CC2D1B: variants seen among roughly 807,000 people sequenced by gnomAD.
The protein encoded by CC2D1B is coiled-coil and C2 domain containing 1B.
CC2D1B carries 92 observed loss-of-function variants against 110.8 expected under a neutral mutation model. That is an observed-to-expected ratio of 0.83 (90% CI 0.70 to 0.99). CC2D1B has a LOEUF of 0.99. CC2D1B is among the 50% of genes least tolerant of loss of function. The probability of loss-of-function intolerance (pLI) is 0.00; values close to 1 mark genes in which losing one functional copy is unlikely to be tolerated. For missense variants in CC2D1B, 1,136 were observed against 1,089.0 expected (o/e 1.04, Z -0.61); for synonymous variants, 406 against 429.2 (o/e 0.95, Z 0.67).
chr1:52,361,593 C>A lies in CC2D1B; in HGVS notation c.238G>T (p.Glu80Ter). 6.2e-7 allele frequency: 1 copy of A among 1,613,854 alleles called. No individual in the cohort carries two copies. Among genetic ancestry groups the A allele is most frequent in the South Asian group, 1.1e-5 (1 of 91,072 alleles). The change falls in exon 4 of 25, where the codon GAG (glutamate) becomes TAG (stop). Residue 80 changes from glutamate to a stop codon, truncating the protein, a stop_gained. Coordinates refer to ENST00000284376, the MANE Select transcript of CC2D1B (RefSeq NM_001330585.2). LOFTEE classifies it high-confidence loss of function. ...CGCATACAGTCTGCCGCCAACTTCTCGATGTGGGCCATGGGCAGGGGGGCT... is the reference window on the plus strand; with the variant it reads ...CGCATACAGTCTGCCGCCAACTTCTAGATGTGGGCCATGGGCAGGGGGGCT... ...GQAPLPMAHI[E>*]KLAADCMRDV...
chr1:52,358,187 G>A, intron 13 of CC2D1B, 144 bp downstream of exon 13: 2 of 1,175,214 alleles, frequency 1.7e-6, no homozygotes, highest in Non-Finnish European at 2.4e-6. Context: ...TCCTAGCTGG[G>A]TGTCCTTGGG....
chr1:52,355,706 C>T lies in CC2D1B; in HGVS notation c.2129-40G>A, dbSNP rs190650217. Reference sequence around the variant, plus strand: ...AGGGAGTCAAGTCAGAGGGAGTGGCCAGGAGCCTAGCACTTGGAGTGTCCG... The same window carrying T: ...AGGGAGTCAAGTCAGAGGGAGTGGCTAGGAGCCTAGCACTTGGAGTGTCCG... On this transcript the variant is annotated intron_variant, in intron 19 of 24. Coordinates refer to ENST00000284376, the MANE Select transcript of CC2D1B (RefSeq NM_001330585.2). The T allele has an allele frequency of 3.2e-4, 522 of 1,613,860 alleles. 2 individuals are homozygous for T. In the African/African-American group the frequency reaches 6.4e-3, roughly 20 times the overall value.
At position 52,360,863 on chromosome 1, in the gene CC2D1B, A is replaced by G. The variant is rs989763560; in HGVS notation, c.477+111T>C. 5 of 1,323,666 alleles carry G rather than the reference A, an allele frequency of 3.8e-6. No homozygotes were observed. In the South Asian group the frequency reaches 5.4e-5, roughly 14 times the overall value. 82.0% of individuals were successfully genotyped at this position (1,323,666 alleles called of 1,614,324 possible). A position where few individuals can be genotyped will look rare whatever the true frequency, so the allele number is the denominator to read the frequency against. ...TTCTGCTTGGGGCGGCTGCTGGGGG[A>G]GGGTCCTGGAAAGGGTGACTGCAGC... On this transcript the variant is annotated intron_variant, in intron 5 of 24. Transcript: ENST00000284376.
At chr1:52,356,690 A>G (rs1557544284) in intron 16 of CC2D1B, 1 of 603,158 alleles carries the variant, frequency 1.7e-6, no homozygotes, top group South Asian at 2.1e-5. Flanking sequence ...TAACTCAAAC[A>G]TCCCCTCAGA....
intron 15 of CC2D1B, 164 bp from the exon 16 acceptor site, chr1:52,357,290 C>A: frequency 1.0e-6 from 1 of 966,438 alleles, no homozygotes; most frequent in Non-Finnish European, 1.5e-6. Context: ...CTCTTGCCTC[C>A]CATGGCCTGG....
intron 13 of CC2D1B, 178 bp downstream of exon 13, chr1:52,358,153 G>T: frequency 6.2e-6 from 6 of 970,834 alleles, no homozygotes; most frequent in Non-Finnish European, 8.9e-6. Context: ...GAAAGACCTT[G>T]GTTTGAATCC....
At position 52,361,604 on chromosome 1, in the gene CC2D1B, A is replaced by G. The variant is rs1646784368; in HGVS notation, c.227T>C (p.Met76Thr). 1 of 1,613,648 alleles carries G rather than the reference A, an allele frequency of 6.2e-7. No homozygotes were observed. Among genetic ancestry groups the G allele is most frequent in the Non-Finnish European group, 8.5e-7 (1 of 1,179,996 alleles). ...TGCCGCCAACTTCTCGATGTGGGCCATGGGCAGGGGGGCTGGGGGAAAAAG... is the reference window on the plus strand; with the variant it reads ...TGCCGCCAACTTCTCGATGTGGGCCGTGGGCAGGGGGGCTGGGGGAAAAAG... ...PAPKGQAPLP[M>T]AHIEKLAADC... The change falls in exon 4 of 25, where the codon ATG (methionine) becomes ACG (threonine). Residue 76 changes from methionine (M) to threonine (T), a missense_variant. Coordinates refer to ENST00000284376, the MANE Select transcript of CC2D1B (RefSeq NM_001330585.2).
Position 52,359,725 on chromosome 1 carries a change from C to G in CC2D1B, c.922G>C (p.Glu308Gln). The change falls in exon 8 of 25, where the codon GAG (glutamate) becomes CAG (glutamine). Residue 308 changes from glutamate to glutamine, a missense_variant. By Grantham distance (29) the Glu-to-Gln change is conservative. Transcript: ENST00000284376. Reference sequence around the variant, plus strand: ...CATACCTTCCCAATCCTCATGAGCTCTCGGGCACGGTCTAGCTCTCCAGCC... The same window carrying G: ...CATACCTTCCCAATCCTCATGAGCTGTCGGGCACGGTCTAGCTCTCCAGCC... ...KRAGELDRARELMRIGKRFGA... is the reference protein window; with the variant it reads ...KRAGELDRARQLMRIGKRFGA... 1 of 1,605,662 alleles carries G rather than the reference C, an allele frequency of 6.2e-7. No individual in the cohort carries two copies. Among genetic ancestry groups the G allele is most frequent in the East Asian group, 2.3e-5 (1 of 44,380 alleles).
Position 52,356,307 on chromosome 1 carries a change from C to T in CC2D1B, c.1938-5G>A. On this transcript the variant is annotated splice_polypyrimidine_tract_variant and splice_region_variant and intron_variant, in intron 17 of 24. Transcript: ENST00000284376. Reference sequence around the variant, plus strand: ...TCCTGAGCAAGCTTCTCAAATCTGACAGGGATGGGTATGTCAGCATGATGG... The same window carrying T: ...TCCTGAGCAAGCTTCTCAAATCTGATAGGGATGGGTATGTCAGCATGATGG... 1.2e-6 allele frequency: 2 copies of T among 1,614,224 alleles called. No individual in the cohort carries two copies. The highest frequency in any genetic ancestry group is 2.2e-5 in the South Asian group (2 of 91,092).
chr1:52,358,121 T>C, intron 13 of CC2D1B: 1 of 889,972 alleles, frequency 1.1e-6, no homozygotes, highest in Non-Finnish European at 1.7e-6. Flanking sequence ...GTAATGGGGA[T>C]GGAGCCGGGG....
chr1:52,354,839 C>G lies in CC2D1B; in HGVS notation c.2339+1G>C. On this transcript the variant is annotated splice_donor_variant, in intron 22 of 24. Coordinates refer to ENST00000284376, the MANE Select transcript of CC2D1B (RefSeq NM_001330585.2). LOFTEE classifies it high-confidence loss of function. ...GGCAGCATGACCGATAGGAGCCTCA[C>G]CCTTTGTGGAAGATCTCAAACTTGA... is the stretch of plus-strand genomic sequence containing the variant. 6.2e-7 allele frequency: 1 copy of G among 1,613,966 alleles called. No individual in the cohort carries two copies. Among genetic ancestry groups the G allele is most frequent in the South Asian group, 1.1e-5 (1 of 91,086 alleles).
rs1040310514 is a variant in CC2D1B at position 52,358,458 on chromosome 1, A to T, written c.1334T>A (p.Phe445Tyr). Reference protein sequence around the residue: ...NFAELPVPPGFPPIPGLESTM... With the variant: ...NFAELPVPPGYPPIPGLESTM... ...GGACTCCAGGCCAGGGATGGGGGGA[A>T]ATCCTGTGGGAGAGAGACAGCATGG... Residue 445 changes from phenylalanine (F) to tyrosine (Y), a missense_variant, in exon 13 of 25, where the codon TTT becomes TAT. Phe to Tyr is a conservative substitution (Grantham distance 22). Coordinates refer to ENST00000284376, the MANE Select transcript of CC2D1B (RefSeq NM_001330585.2). 3 of 1,613,696 alleles carry T rather than the reference A, an allele frequency of 1.9e-6. No homozygotes were observed. The highest frequency in any genetic ancestry group is 1.7e-5 in the Admixed American group (1 of 60,010).
intron 16 of CC2D1B, 162 bp downstream of exon 16, chr1:52,356,839 A>C: frequency 1.3e-6 from 1 of 773,618 alleles, no homozygotes; most frequent in Non-Finnish European, 2.0e-6. Context: ...ATAGATGAGG[A>C]AAATGTAGTT....
At chr1:52,360,773 G>A (rs1315323062) in intron 5 of CC2D1B, 1 of 883,890 alleles carries the variant, frequency 1.1e-6, no homozygotes, top group Non-Finnish European at 1.7e-6. Flanking sequence ...GCTCCCGGGG[G>A]GTAGTCTAGG....
chr1:52,355,759 C>A lies in CC2D1B; in HGVS notation c.2128+12G>T. ...CAAGAGCCTCCTGGAGTAGGGGCGG[C>A]CCTAGGGTTACCTGGAGGGGCTGGG... On this transcript the variant is annotated intron_variant, in intron 19 of 24. Coordinates refer to ENST00000284376, the MANE Select transcript of CC2D1B (RefSeq NM_001330585.2). 6.2e-7 allele frequency: 1 copy of A among 1,613,874 alleles called. No individual in the cohort carries two copies. The highest frequency in any genetic ancestry group is 8.5e-7 in the Non-Finnish European group (1 of 1,179,896).
chr1:52,356,164 C>T (rs1297153009), intron 18 of CC2D1B, 22 bp downstream of exon 18: 1 of 1,563,966 alleles, frequency 6.4e-7, no homozygotes, highest in East Asian at 2.3e-5. Context: ...CCTGGAGCCC[C>T]TGTTTCCCTA....
chr1:52,364,749 C>T, intron 1 of CC2D1B, 115 bp from the exon 2 acceptor site: 1 of 562,208 alleles, frequency 1.8e-6, no homozygotes, highest in South Asian at 2.7e-5. Flanking sequence ...TGCTGAACAC[C>T]AAAGTATGGG....
intron 21 of CC2D1B, among the ~76,000 whole-genome samples, chr1:52,355,150 A>G (rs975306450): frequency 2.6e-5 from 4 of 152,176 alleles, no homozygotes; most frequent in African/African-American, 9.7e-5. Context: ...AGTAGGAAAG[A>G]CTTGGAATTG....
chr1:52,356,966 C>A, intron 16 of CC2D1B, 35 bp downstream of exon 16: 1 of 1,540,710 alleles, frequency 6.5e-7, no homozygotes, highest in Non-Finnish European at 8.8e-7. Context: ...AGGCTGTGGG[C>A]ACAGAGGGGA....
Sources: allele counts gnomAD v4.1 joint callset (sites outside exome capture counted in the v4.1 genomes callset), GRCh38; gene constraint gnomAD v4.1.1; transcripts MANE v1.5; gene names NCBI Gene and HGNC (gene_info 2026-07-23, HGNC 2026-07-21).